Variants in TPTE observed in about 807,000 individuals in gnomAD.
TPTE encodes putative tyrosine-protein phosphatase TPTE.
TPTE carries 59 observed loss-of-function variants against 84.1 expected under a neutral mutation model. The observed-to-expected ratio is 0.70, with a 90% CI of 0.57 to 0.87. The LOEUF (loss-of-function observed/expected upper bound fraction) is 0.87, where lower values mean the gene tolerates loss of function less well. TPTE is among the 40% of genes least tolerant of loss of function. The probability of loss-of-function intolerance (pLI) is 0.00; values close to 1 mark genes in which losing one functional copy is unlikely to be tolerated. For missense variants in TPTE, 382 were observed against 659.6 expected, an observed-to-expected ratio of 0.58 and a Z score of 4.61; for synonymous variants, 130 against 223.5, an observed-to-expected ratio of 0.58 and a Z score of 3.73.
chr21:10,597,796 TC>T (rs2075616347), intron 20 of TPTE, among the ~76,000 whole-genome samples: 1 of 152,296 alleles, frequency 6.6e-6, no homozygotes, highest in African/African-American at 2.4e-5. Context: ...GTATTTTTTT[TC>T]CTCTTCTCTC....
At chr21:10,590,297 G>A (rs1443983101) in intron 17 of TPTE, among the ~76,000 whole-genome samples, 165 bp from the exon 18 acceptor site, 1 of 152,310 alleles carries the variant, frequency 6.6e-6, no homozygotes, top group African/African-American at 2.4e-5. Flanking sequence ...TGAGATGGAG[G>A]TCGCAATGAG....
At chr21:10,539,637 G>T (rs2074330359) in intron 4 of TPTE, among the ~76,000 whole-genome samples, 2 of 152,426 alleles carry the variant, frequency 1.3e-5, no homozygotes, top group South Asian at 4.1e-4. Flanking sequence ...AGTATGATGT[G>T]TAGGGTAAAT....
chr21:10,540,765 T>A (rs1303945056), intron 4 of TPTE: 2 of 522,054 alleles, frequency 3.8e-6, no homozygotes, highest in Middle Eastern at 3.2e-4. Flanking sequence ...TGATTGGAGG[T>A]GATAGAGAAT....
At chr21:10,574,885 A>G (rs2075120408) in intron 14 of TPTE, among the ~76,000 whole-genome samples, 1 of 152,312 alleles carries the variant, frequency 6.6e-6, no homozygotes, top group South Asian at 2.1e-4. Context: ...GCTCAGGCAC[A>G]CACAGAAACC....
At chr21:10,556,025 AC>A (rs2074675900) in intron 8 of TPTE, among the ~76,000 whole-genome samples, 1 of 152,304 alleles carries the variant, frequency 6.6e-6, no homozygotes, top group Non-Finnish European at 1.5e-5. Flanking sequence ...TCATTTATTT[AC>A]ATTTTCACCT....
intron 10 of TPTE, among the ~76,000 whole-genome samples, chr21:10,566,745 G>A (rs1306595624): frequency 6.6e-6 from 1 of 152,310 alleles, no homozygotes; most frequent in Non-Finnish European, 1.5e-5. Flanking sequence ...GGGAGGCTGA[G>A]GTGGGCAGAT....
chr21:10,568,844 A>T (rs947541382), intron 11 of TPTE, among the ~76,000 whole-genome samples: 1 of 152,310 alleles, frequency 6.6e-6, no homozygotes, highest in Non-Finnish European at 1.5e-5. Context: ...TCAGAGAAGC[A>T]CTAGTCCAGA....
chr21:10,541,295 A>G, intron 5 of TPTE, 130 bp downstream of exon 5: 1 of 1,292,542 alleles, frequency 7.7e-7, no homozygotes, highest in Non-Finnish European at 1.1e-6. Flanking sequence ...AACATCGTGA[A>G]ACCCTGTCTC....
At position 10,603,701 on chromosome 21, in the gene TPTE, A is replaced by T. The variant is rs1238461549; in HGVS notation, c.1520+69A>T. 341 of 1,558,326 alleles carry T rather than the reference A, an allele frequency of 2.2e-4. No homozygotes were observed. The African/African-American group carries it at 4.2e-3, about 19-fold the overall frequency. Reference sequence around the variant, plus strand: ...TGTCTATGTATAAGGTGTAATGGCAAGTCTTTTGCTGGTTGTCATAAACTT... The same window carrying T: ...TGTCTATGTATAAGGTGTAATGGCATGTCTTTTGCTGGTTGTCATAAACTT... On this transcript the variant is annotated intron_variant, in intron 23 of 23. Coordinates refer to ENST00000618007, the MANE Select transcript of TPTE (RefSeq NM_199261.4).
intron 17 of TPTE, among the ~76,000 whole-genome samples, chr21:10,579,651 G>A (rs368164736): frequency 2.6e-5 from 4 of 152,412 alleles, no homozygotes; most frequent in South Asian, 4.1e-4. Context: ...GTCTTTCTAC[G>A]CCTGGCTTAT....
Position 10,597,105 on chromosome 21 carries a change from A to T in TPTE, c.1277-910A>T, listed in dbSNP as rs1421691397. 1.6e-4 allele frequency among the ~76,000 whole-genome samples: 25 copies of T among 152,382 alleles called. No homozygotes were observed. The East Asian group carries it at 1.7e-3, about 11-fold the overall frequency. On this transcript the variant is annotated intron_variant, in intron 20 of 23. Transcript: ENST00000618007. ...GAGTTGAGAGGAAAGCAATAAAAAAATTAATTGGCTGAGAAACCAAGTCTT... is the reference window on the plus strand; with the variant it reads ...GAGTTGAGAGGAAAGCAATAAAAAATTTAATTGGCTGAGAAACCAAGTCTT...
At chr21:10,602,945 C>A (rs759753583) in intron 22 of TPTE, among the ~76,000 whole-genome samples, 161 of 151,900 alleles carry the variant, frequency 1.1e-3, no homozygotes, top group Middle Eastern at 3.4e-3. Flanking sequence ...TGAGTCTCTG[C>A]TGTGACTGAG....
chr21:10,558,218 A>G (rs1393654474), intron 8 of TPTE, among the ~76,000 whole-genome samples: 1 of 152,306 alleles, frequency 6.6e-6, no homozygotes, highest in Non-Finnish European at 1.5e-5. Context: ...GTGAACATTC[A>G]TATGCATGTA....
intron 4 of TPTE, 76 bp downstream of exon 4, chr21:10,538,810 A>G (rs1268022883): frequency 6.1e-5 from 99 of 1,613,550 alleles, no homozygotes; most frequent in Non-Finnish European, 8.0e-5. Context: ...ACAGGCACAT[A>G]AACAAATATA....
chr21:10,574,133 CTG>C (rs2075103210), intron 14 of TPTE, among the ~76,000 whole-genome samples: 1 of 152,308 alleles, frequency 6.6e-6, no homozygotes, highest in African/African-American at 2.4e-5. Flanking sequence ...GCTTTAGGCT[CTG>C]TGGATGACTA....
At chr21:10,597,900 A>C in intron 20 of TPTE, 115 bp from the exon 21 acceptor site, 4 of 1,370,846 alleles carry the variant, frequency 2.9e-6, no homozygotes, top group Non-Finnish European at 4.0e-6. Context: ...GTGACTATTG[A>C]TACATTGTTA....
intron 8 of TPTE, 113 bp from the exon 9 acceptor site, chr21:10,559,381 T>G: frequency 6.7e-7 from 1 of 1,494,684 alleles, no homozygotes; most frequent in Non-Finnish European, 9.0e-7. Flanking sequence ...GTTATACAAC[T>G]TCTGAATAAT....
intron 20 of TPTE, among the ~76,000 whole-genome samples, chr21:10,596,561 CCT>C (rs548422188): frequency 3.3e-4 from 50 of 152,376 alleles, no homozygotes; most frequent in African/African-American, 1.2e-3. Context: ...CTCCCTTTCC[CCT>C]CTCTCCTCCA....
intron 9 of TPTE, among the ~76,000 whole-genome samples, chr21:10,560,299 A>G (rs1250313199): frequency 6.6e-6 from 1 of 152,310 alleles, no homozygotes; most frequent in Non-Finnish European, 1.5e-5. Context: ...AAGATTTCAT[A>G]CTATGATATA....
Sources: allele counts gnomAD v4.1 joint callset (sites outside exome capture counted in the v4.1 genomes callset), GRCh38; gene constraint gnomAD v4.1.1; transcripts MANE v1.5; gene names NCBI Gene and HGNC (gene_info 2026-07-23, HGNC 2026-07-21).